REEP1: variants seen among roughly 807,000 people sequenced by gnomAD.
REEP1 encodes the protein receptor expression-enhancing protein 1.
A neutral mutation model predicts 40.3 loss-of-function variants in REEP1; 22 were observed. The observed-to-expected ratio is 0.55, with a 90% confidence interval of 0.39 to 0.78. The LOEUF (loss-of-function observed/expected upper bound fraction) is 0.78. REEP1 is among the 30% of genes least tolerant of loss of function. The pLI, the probability that REEP1 is intolerant of heterozygous loss-of-function variation, is 0.00. For synonymous variants in REEP1, 116 were observed against 139.2 expected, an observed-to-expected ratio of 0.83 and a Z score of 1.17; for missense variants, 280 against 361.1, an observed-to-expected ratio of 0.78 and a Z score of 1.82.
chr2:86,240,005 C>T (rs1360922774), intron 5 of REEP1: 1 of 152,544 alleles, frequency 6.6e-6, no homozygotes, highest in African/African-American at 2.4e-5. Flanking sequence ...TTAGTCACAC[C>T]TCTCAACAGG....
At chr2:86,317,050 G>A (rs1055364689) in intron 1 of REEP1, among the ~76,000 whole-genome samples, 2 of 152,154 alleles carry the variant, frequency 1.3e-5, no homozygotes, top group Admixed American at 6.5e-5. Context: ...CCTGACAGGA[G>A]GCGGTCGAGG....
At chr2:86,219,287 C>A (rs1215212615) in intron 8 of REEP1, among the ~76,000 whole-genome samples, 1 of 152,126 alleles carries the variant, frequency 6.6e-6, no homozygotes, top group African/African-American at 2.4e-5. Context: ...TTTATAAAAA[C>A]TTTTCAAATA....
intron 8 of REEP1, among the ~76,000 whole-genome samples, chr2:86,219,666 G>A (rs1357173596): frequency 2.6e-5 from 4 of 152,004 alleles, no homozygotes; most frequent in South Asian, 2.1e-4. Flanking sequence ...GGCTGGTCTC[G>A]AACTCCTGAC....
intron 2 of REEP1, among the ~76,000 whole-genome samples, chr2:86,275,509 G>T (rs1027201803): frequency 2.0e-5 from 3 of 152,164 alleles, no homozygotes; most frequent in Non-Finnish European, 1.5e-5. Flanking sequence ...CCCACAGGTT[G>T]GGCAATATTC....
chr2:86,292,737 G>T (rs1363831148), intron 1 of REEP1, among the ~76,000 whole-genome samples: 1 of 152,126 alleles, frequency 6.6e-6, no homozygotes, highest in Non-Finnish European at 1.5e-5. Context: ...AAAAAGGGGT[G>T]GGGGGAAAGA....
At chr2:86,277,552 T>C (rs1013936213) in intron 2 of REEP1, among the ~76,000 whole-genome samples, 1 of 126,194 alleles carries the variant, frequency 7.9e-6, no homozygotes, top group Non-Finnish European at 1.8e-5. Context: ...CGAGACTCTG[T>C]ATCAAAAAAA....
chr2:86,318,392 TTTCTTTTC>T (rs1362983588), intron 1 of REEP1, among the ~76,000 whole-genome samples: 3 of 131,918 alleles, frequency 2.3e-5, no homozygotes, highest in Non-Finnish European at 4.8e-5. Context: ...TTTCTTTTCT[TTTCTTTTC>T]TTTTTTTTTT....
chr2:86,298,084 G>C lies in REEP1; in HGVS notation c.33-15842C>G, dbSNP rs912512295. ...CTAACTAGCAGTCTCCAACATTTTAGTGTAGAGTAGTTTAACAGCTCTGTG... is the reference window on the plus strand; with the variant it reads ...CTAACTAGCAGTCTCCAACATTTTACTGTAGAGTAGTTTAACAGCTCTGTG... On this transcript the variant is annotated intron_variant, in intron 1 of 8. Coordinates refer to ENST00000538924, the MANE Select transcript of REEP1 (RefSeq NM_001371279.1). Among the ~76,000 whole-genome samples, 4 of 152,202 alleles carry C rather than the reference G, an allele frequency of 2.6e-5. No homozygotes were observed. The South Asian group carries it at 8.3e-4, about 32-fold the overall frequency.
At chr2:86,231,996 C>T (rs1434380837) in intron 6 of REEP1, among the ~76,000 whole-genome samples, 1 of 152,152 alleles carries the variant, frequency 6.6e-6, no homozygotes, top group Non-Finnish European at 1.5e-5. Flanking sequence ...CCACGATGGG[C>T]GTGTGACACC....
chr2:86,253,862 C>T (rs1676410333), intron 4 of REEP1, among the ~76,000 whole-genome samples: 1 of 152,134 alleles, frequency 6.6e-6, no homozygotes, highest in African/African-American at 2.4e-5. Context: ...GTTAAGAAAC[C>T]CCACTACACA....
intron 1 of REEP1, among the ~76,000 whole-genome samples, chr2:86,325,034 T>C (rs558866603): frequency 2.6e-5 from 4 of 152,346 alleles, no homozygotes; most frequent in Non-Finnish European, 5.9e-5. Context: ...GTCTTTTCTA[T>C]TGCCTCATTA....
chr2:86,259,218 A>G (rs28645407), intron 3 of REEP1, among the ~76,000 whole-genome samples: 5,706 of 150,354 alleles, frequency 0.038, 369 homozygotes, highest in African/African-American at 0.13. Context: ...TGAACCTCGG[A>G]GGCAGAGATT....
At position 86,276,259 on chromosome 2, in the gene REEP1, G is replaced by C. The variant is rs546345337; in HGVS notation, c.105+5911C>G. Reference sequence around the variant, plus strand: ...ATACCATATCACAAGGCACCAGCCAGCCTTCTGGAAGCAGGTTCATTCCAC... The same window carrying C: ...ATACCATATCACAAGGCACCAGCCACCCTTCTGGAAGCAGGTTCATTCCAC... On this transcript the variant is annotated intron_variant, in intron 2 of 8. Transcript: ENST00000538924. 3.9e-5 allele frequency among the ~76,000 whole-genome samples: 6 copies of C among 152,368 alleles called. No homozygotes were observed. The South Asian group carries it at 1.2e-3, about 32-fold the overall frequency.
At chr2:86,282,056 A>G in intron 2 of REEP1, 114 bp downstream of exon 2, 1 of 767,080 alleles carries the variant, frequency 1.3e-6, no homozygotes, top group South Asian at 1.4e-5. Flanking sequence ...GTGATGAAGG[A>G]ACTCCTTTTC....
At chr2:86,335,149 A>G (rs972112197) in intron 1 of REEP1, among the ~76,000 whole-genome samples, 2 of 152,198 alleles carry the variant, frequency 1.3e-5, no homozygotes, top group African/African-American at 4.8e-5. Context: ...TTTCTTGAAG[A>G]ATATGCCCTC....
intron 1 of REEP1, among the ~76,000 whole-genome samples, chr2:86,301,857 A>G (rs540907632): frequency 1.3e-4 from 20 of 152,360 alleles, no homozygotes; most frequent in African/African-American, 4.1e-4. Flanking sequence ...GGCAGGTCCA[A>G]TTCCCTGTAG....
intron 5 of REEP1, 37 bp downstream of exon 5, chr2:86,251,920 T>G: frequency 7.2e-5 from 102 of 1,407,314 alleles, no homozygotes; most frequent in Non-Finnish European, 9.3e-5. Flanking sequence ...CTAGAGGGAC[T>G]GAGACTCATG....
At chr2:86,317,551 T>C (rs538883657) in intron 1 of REEP1, among the ~76,000 whole-genome samples, 1 of 152,348 alleles carries the variant, frequency 6.6e-6, no homozygotes, top group South Asian at 2.1e-4. Context: ...TTTGCACTGA[T>C]GGTGCAAAAC....
At chr2:86,302,870 C>A (rs1386999148) in intron 1 of REEP1, among the ~76,000 whole-genome samples, 2 of 151,776 alleles carry the variant, frequency 1.3e-5, no homozygotes, top group Admixed American at 1.3e-4. Flanking sequence ...TCCTATTGAC[C>A]ACAGTAGCAT....
Sources: gnomAD v4.1 joint callset for allele counts (sites outside exome capture counted in the v4.1 genomes callset) on GRCh38, gnomAD v4.1.1 for gene constraint, MANE v1.5 for transcripts, NCBI Gene and HGNC (gene_info 2026-07-23, HGNC 2026-07-21) for gene names.